The following DCAF15 variants were observed in gnomAD, a reference collection of about 807,000 sequenced individuals.
DCAF15 encodes DDB1 and CUL4 associated factor 15.
Under a neutral mutation model 68.0 loss-of-function variants are expected in DCAF15, and 24 were observed. That is an observed-to-expected ratio of 0.35 (90% CI 0.26 to 0.50). The LOEUF (loss-of-function observed/expected upper bound fraction) is 0.50, where lower values mean the gene tolerates loss of function less well. Among genes scored for constraint, DCAF15 ranks in the 20% least tolerant of loss-of-function variants. DCAF15 has a pLI of 0.98. For missense variants in DCAF15, 627 were observed against 830.6 expected, an observed-to-expected ratio of 0.75 and a Z score of 3.01; for synonymous variants, 376 against 341.6, an observed-to-expected ratio of 1.10 and a Z score of -1.11.
intron 6 of DCAF15, among the ~76,000 whole-genome samples, chr19:13,957,251 G>A (rs1973402423): frequency 6.6e-6 from 1 of 152,220 alleles, no homozygotes; most frequent in Non-Finnish European, 1.5e-5. Flanking sequence ...CCTTGACAGT[G>A]ACAAATGTCA....
Position 13,961,210 on chromosome 19 carries a change from A to AGGGCGCCCCCTGCCCCACCAGCCT in DCAF15, c.*217_*240dup. 2 of 614,344 alleles carry AGGGCGCCCCCTGCCCCACCAGCCT rather than the reference A, an allele frequency of 3.3e-6. No individual in the cohort carries two copies. The highest frequency in any genetic ancestry group is 5.7e-6 in the Non-Finnish European group (2 of 349,360). The allele number at this position is 614,344 out of a possible 1,614,324, so 38.1% of individuals were successfully genotyped here. Reference sequence around the variant, plus strand: ...ATTTAAGTTGGGAAGGGGCAGAGAGAGGGCGCCCCCTGCCCCACCAGCCTG... The same window carrying AGGGCGCCCCCTGCCCCACCAGCCT: ...ATTTAAGTTGGGAAGGGGCAGAGAGAGGGCGCCCCCTGCCCCACCAGCCTGGGCGCCCCCTGCCCCACCAGCCTG... On this transcript the variant is annotated 3_prime_UTR_variant, in exon 13 of 13. Transcript: ENST00000254337.
At position 13,959,967 on chromosome 19, in the gene DCAF15, T is replaced by A; in HGVS notation, c.1441-17T>A. The A allele has an allele frequency of 2.5e-6, 4 of 1,604,728 alleles. No homozygotes were observed. Among genetic ancestry groups the A allele is most frequent in the South Asian group, 1.1e-5 (1 of 90,656 alleles). ...GGGTCGCCCTCAACAGTTGGCATCA[T>A]CCACCCCCACCCCCAGGTCTGCCCA... On this transcript the variant is annotated splice_polypyrimidine_tract_variant and intron_variant, in intron 9 of 12. Transcript: ENST00000254337.
At chr19:13,955,843 G>GC (rs1973333755) in intron 3 of DCAF15, 69 bp from the exon 4 acceptor site, 1 of 1,520,144 alleles carries the variant, frequency 6.6e-7, no homozygotes, top group Admixed American at 1.7e-5. Context: ...ATGAGGGACT[G>GC]CATCGTACAG....
rs376565848 is a variant in DCAF15, at chr19:13,959,284, G to A, written c.1024G>A (p.Ala342Thr). Residue 342 changes from alanine (A) to threonine (T), a missense_variant, in exon 7 of 13, where the codon GCC becomes ACC. Ala to Thr is a moderately conservative substitution (Grantham distance 58, BLOSUM62 0). Coordinates refer to ENST00000254337, the MANE Select transcript of DCAF15 (RefSeq NM_138353.4). ...GGCCAAGGGCGGGGTCCCTGAGGAA[G>A]CCCGGCCTGCCCTGTGCCCAGGACC... ...KEAKGGVPEE[A>T]RPALCPGPSG... is the part of the protein sequence containing the mutation. 5 of 1,610,128 alleles carry A rather than the reference G, an allele frequency of 3.1e-6. No individual in the cohort carries two copies. The highest frequency in any genetic ancestry group is 4.2e-6 in the Non-Finnish European group (5 of 1,179,812).
Position 13,956,205 on chromosome 19 carries a change from G to A in DCAF15, c.556G>A (p.Ala186Thr). Residue 186 changes from alanine to threonine, a missense_variant, in exon 5 of 13, where the codon GCC (alanine) becomes ACC (threonine). Ala to Thr is a moderately conservative substitution (Grantham distance 58, BLOSUM62 0). Coordinates refer to ENST00000254337, the MANE Select transcript of DCAF15 (RefSeq NM_138353.4). ...NHRDIYVSTV[A>T]VPPPGRCAAC... ...CCGTGACATCTACGTCAGCACCGTG[G>A]CCGTGCCACCGCCAGGCCGCTGTGC... 1.9e-6 allele frequency: 3 copies of A among 1,612,014 alleles called. No homozygotes were observed. Among genetic ancestry groups the A allele is most frequent in the Non-Finnish European group, 2.5e-6 (3 of 1,179,736 alleles).
chr19:13,960,255 C>T (rs1229102150), intron 10 of DCAF15, 32 bp from the exon 11 acceptor site: 1 of 1,606,066 alleles, frequency 6.2e-7, no homozygotes, highest in Non-Finnish European at 8.5e-7. Flanking sequence ...CCGGCTGTCC[C>T]AGCGTTTGTC....
chr19:13,954,895 G>A (rs936953234), intron 3 of DCAF15, among the ~76,000 whole-genome samples: 5 of 151,812 alleles, frequency 3.3e-5, no homozygotes, highest in Non-Finnish European at 7.4e-5. Context: ...CACTTGGTCC[G>A]AGTAGTTCAA....
chr19:13,960,780 C>T (rs749532999), intron 12 of DCAF15, among the ~76,000 whole-genome samples, 160 bp from the exon 13 acceptor site: 8 of 152,220 alleles, frequency 5.3e-5, no homozygotes, highest in Non-Finnish European at 8.8e-5. Flanking sequence ...CACTCATTCA[C>T]GCTACATTTA....
In DCAF15 at chr19:13,960,977, T is replaced by C. The variant is rs755089294; in HGVS notation, c.1785T>C (p.Tyr595=). The C allele has an allele frequency of 1.9e-6, 3 of 1,613,938 alleles. No individual in the cohort carries two copies. Among genetic ancestry groups the C allele is most frequent in the Non-Finnish European group, 2.5e-6 (3 of 1,180,006 alleles). ...AGGTTCTGGCGGACAGCGAGCGATA[T>C]ACGTGGATCGTGCTGTGAGGGCCAG... ...SLKVLADSER[Y]TWIVL The change falls in exon 13 of 13, where the codon TAT becomes TAC. Residue 595 remains tyrosine, a synonymous_variant. Coordinates refer to ENST00000254337, the MANE Select transcript of DCAF15 (RefSeq NM_138353.4).
At chr19:13,955,512 T>C (rs1281083435) in intron 3 of DCAF15, among the ~76,000 whole-genome samples, 2 of 152,220 alleles carry the variant, frequency 1.3e-5, no homozygotes, top group East Asian at 1.9e-4. Flanking sequence ...GTAGAACATG[T>C]TGGCTCAGGC....
rs761260609 is a variant in DCAF15, at chr19:13,959,084, C to T, written c.824C>T (p.Thr275Ile). 8 of 1,612,424 alleles carry T rather than the reference C, an allele frequency of 5.0e-6. No individual in the cohort carries two copies. The highest frequency in any genetic ancestry group is 3.3e-5 in the South Asian group (3 of 90,996). Residue 275 changes from threonine to isoleucine, a missense_variant, in exon 7 of 13, where the codon ACC (threonine) becomes ATC (isoleucine). By Grantham distance (89) the Thr-to-Ile change is moderately conservative (BLOSUM62 -1). Coordinates refer to ENST00000254337, the MANE Select transcript of DCAF15 (RefSeq NM_138353.4). ...TGCCAAATCCTGTATGACCACAGCA[C>T]CTGCCCCCTGGCGCCTGCCAGCCCC... is the stretch of plus-strand genomic sequence containing the variant. ...SFCQILYDHS[T>I]CPLAPASPPE...
At position 13,954,360 on chromosome 19, in the gene DCAF15, T is replaced by G. The variant is rs1357253942; in HGVS notation, c.153T>G (p.Pro51=). 1.2e-6 allele frequency: 2 copies of G among 1,613,280 alleles called. No homozygotes were observed. The highest frequency in any genetic ancestry group is 1.7e-6 in the Non-Finnish European group (2 of 1,179,936). Residue 51 remains proline, a synonymous_variant, in exon 2 of 13, where the codon CCT becomes CCG. Coordinates refer to ENST00000254337, the MANE Select transcript of DCAF15 (RefSeq NM_138353.4). Reference sequence around the variant, plus strand: ...CCCAGATCAGCGGACAGCTCTCCCCTCGCCTCTTCCGGAAGCTGCCTCCCC... The same window carrying G: ...CCCAGATCAGCGGACAGCTCTCCCCGCGCCTCTTCCGGAAGCTGCCTCCCC... The part of the protein sequence containing the change: ...ERVKISGQLS[P]RLFRKLPPRV...
chr19:13,953,166 TGA>T, intron 1 of DCAF15: 4 of 1,532,674 alleles, frequency 2.6e-6, no homozygotes, highest in Non-Finnish European at 3.5e-6. Flanking sequence ...TGGATAGGGC[TGA>T]GTCTTCCCCC....
intron 11 of DCAF15, 32 bp from the exon 12 acceptor site, chr19:13,960,433 C>G: frequency 3.1e-6 from 5 of 1,611,998 alleles, no homozygotes; most frequent in Non-Finnish European, 4.2e-6. Context: ...GCGGCCAAGG[C>G]GACGAGAGCC....
At position 13,954,088 on chromosome 19, in the gene DCAF15, G is replaced by C. The variant is rs188158422; in HGVS notation, c.133-252G>C. ...TGGGCTCAGTCAAGAGGGACCTGAG[G>C]CTGAAGAGGTATGGAACTGGGAAGG... On this transcript the variant is annotated intron_variant, in intron 1 of 12. Transcript: ENST00000254337. Among the ~76,000 whole-genome samples the C allele has an allele frequency of 6.6e-4, 100 of 152,318 alleles. 2 individuals carry two copies. In the East Asian group the frequency reaches 0.019, roughly 29 times the overall value.
rs1021505793 is a variant in DCAF15, at chr19:13,960,457, C to T, written c.1632-8C>T. ...GCGACGAGAGCCACTCACCCCCTGG[C>T]CCCGCAGCGGCAGTGTCTGGAGCTC... is the stretch of plus-strand genomic sequence containing the variant. On this transcript the variant is annotated splice_polypyrimidine_tract_variant and splice_region_variant and intron_variant, in intron 11 of 12. Transcript: ENST00000254337. 2.4e-5 allele frequency: 38 copies of T among 1,611,424 alleles called. No homozygotes were observed. In the Middle Eastern group the frequency reaches 6.8e-4, roughly 29 times the overall value.
rs372073364 is a variant in DCAF15, at chr19:13,956,256, C to T, written c.607C>T (p.His203Tyr). 6.2e-7 allele frequency: 1 copy of T among 1,612,296 alleles called. No individual in the cohort carries two copies. Among genetic ancestry groups the T allele is most frequent in the African/African-American group, 1.3e-5 (1 of 74,926 alleles). Residue 203 changes from histidine (H) to tyrosine (Y), a missense_variant, in exon 5 of 13, where the codon CAC becomes TAC. By Grantham distance (83) the His-to-Tyr change is moderately conservative (BLOSUM62 2). Around this residue, in one of 3 missense-constraint regions of DCAF15, gnomAD observed 273 missense variants for 393.7 expected, o/e 0.69. Coordinates refer to ENST00000254337, the MANE Select transcript of DCAF15 (RefSeq NM_138353.4). ...TGCTTGCCAGGATGCCAGCCGAGCC[C>T]ACCCAGGTGAGGGGGCCGAGGGGGC... is the stretch of plus-strand genomic sequence containing the variant. Reference protein sequence around the residue: ...CAACQDASRAHPGDPNAQCLR... With the variant: ...CAACQDASRAYPGDPNAQCLR...
chr19:13,961,348 C>T lies in DCAF15; in HGVS notation c.*353C>T, dbSNP rs1204303878. 2.8e-5 allele frequency: 9 copies of T among 320,562 alleles called. No individual in the cohort carries two copies. The highest frequency in any genetic ancestry group is 4.8e-5 in the Non-Finnish European group (8 of 166,296). 19.9% of individuals were successfully genotyped at this position (320,562 alleles called of 1,614,324 possible). A position where few individuals can be genotyped will look rare whatever the true frequency, so the allele number is the denominator to read the frequency against. ...CGGGGAGGTCGAATGGACCCCATTC[C>T]CCCTGCCCTGCCCGCCCCCAGCCTC... On this transcript the variant is annotated 3_prime_UTR_variant, in exon 13 of 13. Coordinates refer to ENST00000254337, the MANE Select transcript of DCAF15 (RefSeq NM_138353.4).
intron 6 of DCAF15, among the ~76,000 whole-genome samples, chr19:13,958,163 T>G (rs1230339528): frequency 6.6e-6 from 1 of 152,124 alleles, no homozygotes; most frequent in Non-Finnish European, 1.5e-5. Flanking sequence ...CTTGCGAGGG[T>G]TGACGCCGCT....
Sources: allele counts gnomAD v4.1 joint callset (sites outside exome capture counted in the v4.1 genomes callset), GRCh38; gene constraint gnomAD v4.1.1; regional missense constraint gnomAD v4.1.1; transcripts MANE v1.5; gene names NCBI Gene and HGNC (gene_info 2026-07-23, HGNC 2026-07-21).